DENND1A: variants seen among roughly 807,000 people sequenced by gnomAD.
The protein encoded by DENND1A is DENN domain containing 1A.
Under a neutral mutation model 113.7 loss-of-function variants are expected in DENND1A, and 51 were observed. The observed-to-expected ratio is 0.45, with a 90% CI of 0.36 to 0.57. DENND1A has a LOEUF of 0.57. Ranked by LOEUF, DENND1A falls within the 20% of genes least tolerant of loss-of-function variation. DENND1A has a pLI of 0.00. For synonymous variants in DENND1A, 565 were observed against 570.8 expected, an observed-to-expected ratio of 0.99 and a Z score of 0.14; for missense variants, 1,258 against 1,395.9, an observed-to-expected ratio of 0.90 and a Z score of 1.57.
chr9:123,434,744 AG>A (rs1323025145), intron 19 of DENND1A, among the ~76,000 whole-genome samples: 2 of 152,176 alleles, frequency 1.3e-5, no homozygotes, highest in Non-Finnish European at 2.9e-5. Context: ...CAGGTCACAA[AG>A]GGGCCAAGGA....
At chr9:123,758,083 A>G (rs2070731198) in intron 4 of DENND1A, among the ~76,000 whole-genome samples, 2 of 152,098 alleles carry the variant, frequency 1.3e-5, no homozygotes, top group South Asian at 4.2e-4. Context: ...TCAGTCTCTG[A>G]GGCAGCTCTG....
At chr9:123,538,149 T>TTA (rs2055935802) in intron 13 of DENND1A, among the ~76,000 whole-genome samples, 1 of 152,230 alleles carries the variant, frequency 6.6e-6, no homozygotes, top group South Asian at 2.1e-4. Flanking sequence ...TTTTTGGAGA[T>TTA]TATGAAACTA....
At chr9:123,726,559 A>C (rs776438894) in intron 5 of DENND1A, among the ~76,000 whole-genome samples, 8 of 152,198 alleles carry the variant, frequency 5.3e-5, no homozygotes, top group Non-Finnish European at 8.8e-5. Flanking sequence ...AAATGAATGA[A>C]GAGAATAGAG....
chr9:123,613,327 T>C (rs1001456766), intron 10 of DENND1A, among the ~76,000 whole-genome samples: 1 of 152,058 alleles, frequency 6.6e-6, no homozygotes, highest in Non-Finnish European at 1.5e-5. Flanking sequence ...GCAAAATAAA[T>C]TGGGTAAGCT....
intron 11 of DENND1A, among the ~76,000 whole-genome samples, chr9:123,593,539 T>C (rs1046589836): frequency 6.6e-6 from 1 of 152,154 alleles, no homozygotes; most frequent in African/African-American, 2.4e-5. Context: ...CAACATGCTT[T>C]GCATTTGTTC....
chr9:123,921,441 G>C (rs1459729752), intron 1 of DENND1A, among the ~76,000 whole-genome samples: 1 of 152,182 alleles, frequency 6.6e-6, no homozygotes, highest in Admixed American at 6.5e-5. Flanking sequence ...TTCAAGAACT[G>C]CCAGCGTGGA....
At chr9:123,892,139 T>C (rs1045967542) in intron 1 of DENND1A, among the ~76,000 whole-genome samples, 1 of 152,190 alleles carries the variant, frequency 6.6e-6, no homozygotes, top group Non-Finnish European at 1.5e-5. Flanking sequence ...AGCATGTGTA[T>C]GTGAGGAAAT....
intron 2 of DENND1A, among the ~76,000 whole-genome samples, chr9:123,872,427 TA>T (rs1228974161): frequency 6.6e-6 from 1 of 152,186 alleles, no homozygotes; most frequent in Non-Finnish European, 1.5e-5. Context: ...TTAATAATTT[TA>T]GGGAAAGCTT....
At chr9:123,561,755 C>T (rs2057771402) in intron 12 of DENND1A, among the ~76,000 whole-genome samples, 1 of 152,162 alleles carries the variant, frequency 6.6e-6, no homozygotes, top group African/African-American at 2.4e-5. Flanking sequence ...ACTGAACTTG[C>T]CAGCTTCTGT....
chr9:123,399,085 C>A (rs1454748312), intron 21 of DENND1A, among the ~76,000 whole-genome samples: 1 of 152,140 alleles, frequency 6.6e-6, no homozygotes, highest in African/African-American at 2.4e-5. Flanking sequence ...TGTGAGCCAC[C>A]GCGCCCGGCC....
chr9:123,823,782 T>C (rs976491284), intron 2 of DENND1A, among the ~76,000 whole-genome samples: 9 of 151,726 alleles, frequency 5.9e-5, no homozygotes, highest in Non-Finnish European at 1.0e-4. Flanking sequence ...GATAAGATGA[T>C]AGAACTGAAT....
At chr9:123,819,768 C>G (rs1415246725) in intron 2 of DENND1A, among the ~76,000 whole-genome samples, 1 of 152,182 alleles carries the variant, frequency 6.6e-6, no homozygotes, top group Non-Finnish European at 1.5e-5. Context: ...AAACTCCTGG[C>G]CTCAGGTGAT....
At chr9:123,495,141 TTCTCTCTCTCTCTCTC>T (rs56390148) in intron 13 of DENND1A, among the ~76,000 whole-genome samples, 157 of 140,646 alleles carry the variant, frequency 1.1e-3, no homozygotes, top group African/African-American at 4.2e-3. Context: ...CATTGTCTCT[TTCTCTCTCTCTCTCTC>T]TCTCTCTCTC....
intron 12 of DENND1A, among the ~76,000 whole-genome samples, chr9:123,563,625 C>T (rs1016823019): frequency 1.3e-5 from 2 of 152,128 alleles, no homozygotes; most frequent in African/African-American, 4.8e-5. Flanking sequence ...TCTTTGAGCT[C>T]GTATCTCTTC....
chr9:123,883,445 C>T (rs1848587937), intron 1 of DENND1A, among the ~76,000 whole-genome samples: 1 of 152,192 alleles, frequency 6.6e-6, no homozygotes, highest in African/African-American at 2.4e-5. Flanking sequence ...TTAGCAAGTA[C>T]TATAGTCACC....
At chr9:123,430,551 C>T (rs1329570090) in intron 19 of DENND1A, among the ~76,000 whole-genome samples, 1 of 152,156 alleles carries the variant, frequency 6.6e-6, no homozygotes, top group African/African-American at 2.4e-5. Flanking sequence ...AAACCATTAT[C>T]CTCAGCAAAC....
chr9:123,626,588 G>A (rs1347331088), intron 10 of DENND1A, among the ~76,000 whole-genome samples: 2 of 151,942 alleles, frequency 1.3e-5, no homozygotes, highest in Non-Finnish European at 1.5e-5. Flanking sequence ...CTCTCTGAGT[G>A]TCAGTGTCTG....
chr9:123,413,747 G>T (rs2044494807), intron 19 of DENND1A: 1 of 985,504 alleles, frequency 1.0e-6, no homozygotes, highest in Non-Finnish European at 1.2e-6. Flanking sequence ...GGAGTTGGGG[G>T]TGCTGCCTAG....
At chr9:123,609,340 G>A in intron 11 of DENND1A, 96 bp downstream of exon 11, 1 of 1,369,884 alleles carries the variant, frequency 7.3e-7, no homozygotes. Flanking sequence ...GCTCCCACGT[G>A]CAGAGCTGTG....
Sources: allele counts gnomAD v4.1 joint callset (sites outside exome capture counted in the v4.1 genomes callset), GRCh38; gene constraint gnomAD v4.1.1; transcripts MANE v1.5; gene names NCBI Gene and HGNC (gene_info 2026-07-23, HGNC 2026-07-21).